EVA1C: variants seen among roughly 807,000 people sequenced by gnomAD.
EVA1C encodes the protein eva-1 homolog C.
In EVA1C, 25 loss-of-function variants were observed where a neutral mutation model predicts 45.4. The observed-to-expected ratio is 0.55, with a 90% CI of 0.40 to 0.77. EVA1C has a LOEUF of 0.77. Ranked by LOEUF, EVA1C falls within the 30% of genes least tolerant of loss-of-function variation. The pLI, the probability that EVA1C is intolerant of heterozygous loss-of-function variation, is 0.00. For missense variants in EVA1C, 479 were observed against 554.8 expected (o/e 0.86, Z 1.37); for synonymous variants, 190 against 221.2 (o/e 0.86, Z 1.25).
chr21:32,450,383 A>ATT (rs3056328), intron 1 of EVA1C, among the ~76,000 whole-genome samples: 2,536 of 145,582 alleles, frequency 0.017, 51 homozygotes, highest in African/African-American at 0.046. Flanking sequence ...GAGCCTTGTC[A>ATT]TTTTTTTTTT....
intron 4 of EVA1C, among the ~76,000 whole-genome samples, chr21:32,469,163 C>T (rs1199556338): frequency 1.3e-5 from 2 of 152,130 alleles, no homozygotes; most frequent in East Asian, 1.9e-4. Context: ...TCTACACCCT[C>T]GTGGAGCTGA....
chr21:32,443,561 C>T (rs185918708), intron 1 of EVA1C, among the ~76,000 whole-genome samples: 1 of 151,936 alleles, frequency 6.6e-6, no homozygotes. Flanking sequence ...ATAAAAAAAC[C>T]CTTACAGTAT....
intron 1 of EVA1C, among the ~76,000 whole-genome samples, chr21:32,439,739 A>G (rs984834889): frequency 6.6e-6 from 1 of 152,154 alleles, no homozygotes; most frequent in African/African-American, 2.4e-5. Flanking sequence ...GGAACAAAGC[A>G]TGTTTGGTCA....
chr21:32,456,106 G>C (rs1352818110), intron 2 of EVA1C, among the ~76,000 whole-genome samples: 1 of 152,190 alleles, frequency 6.6e-6, no homozygotes, highest in African/African-American at 2.4e-5. Context: ...TAGTCAGGCT[G>C]GTCTTGAACT....
chr21:32,485,148 A>G (rs2036930500), intron 4 of EVA1C, among the ~76,000 whole-genome samples: 1 of 152,092 alleles, frequency 6.6e-6, no homozygotes, highest in African/African-American at 2.4e-5. Context: ...AGATGCTGCA[A>G]CTGGTCTTGC....
At chr21:32,450,546 T>C (rs1162316825) in intron 1 of EVA1C, among the ~76,000 whole-genome samples, 1 of 152,072 alleles carries the variant, frequency 6.6e-6, no homozygotes, top group African/African-American at 2.4e-5. Context: ...AAGAAGGTTT[T>C]CATGAGGAGG....
At chr21:32,418,097 G>A (rs1018629950) in intron 1 of EVA1C, among the ~76,000 whole-genome samples, 5 of 152,064 alleles carry the variant, frequency 3.3e-5, no homozygotes, top group Admixed American at 3.3e-4. Flanking sequence ...TCAGCACCTC[G>A]CAACACAGAC....
intron 1 of EVA1C, among the ~76,000 whole-genome samples, chr21:32,430,632 A>G (rs2034661951): frequency 6.6e-6 from 1 of 152,104 alleles, no homozygotes; most frequent in Non-Finnish European, 1.5e-5. Flanking sequence ...CACATCTTAC[A>G]TGGCAGCAGG....
chr21:32,488,671 CG>C (rs2037054912), intron 4 of EVA1C, among the ~76,000 whole-genome samples: 1 of 151,738 alleles, frequency 6.6e-6, no homozygotes, highest in Admixed American at 6.6e-5. Context: ...CTGCAACCTC[CG>C]CCTCCCCGGT....
intron 4 of EVA1C, among the ~76,000 whole-genome samples, chr21:32,470,041 A>G (rs1169468175): frequency 6.6e-6 from 1 of 152,234 alleles, no homozygotes; most frequent in Non-Finnish European, 1.5e-5. Flanking sequence ...ATTACCAGAG[A>G]GAACAGACCC....
intron 1 of EVA1C, among the ~76,000 whole-genome samples, chr21:32,434,848 T>C (rs960026569): frequency 2.0e-5 from 3 of 152,260 alleles, no homozygotes; most frequent in African/African-American, 7.2e-5. Flanking sequence ...AGACGATGCA[T>C]TTCTGTAGTT....
intron 1 of EVA1C, among the ~76,000 whole-genome samples, chr21:32,441,801 T>C (rs1486520178): frequency 6.6e-6 from 1 of 152,096 alleles, no homozygotes; most frequent in East Asian, 1.9e-4. Flanking sequence ...TGGGAGATAA[T>C]TGGGTGACTA....
intron 4 of EVA1C, among the ~76,000 whole-genome samples, chr21:32,478,302 T>C (rs973062691): frequency 7.9e-5 from 12 of 152,212 alleles, no homozygotes; most frequent in African/African-American, 2.9e-4. Flanking sequence ...CACTGCAACC[T>C]CCGCCTCCCA....
In EVA1C at chr21:32,440,736, C is replaced by T. The variant is rs544178631; in HGVS notation, c.161-12576C>T. On this transcript the variant is annotated intron_variant, in intron 1 of 7. Transcript: ENST00000300255. ...GTTGCTGATGAGGATTAATTAGAAC[C>T]TACTACTCAATTATTCACTTTTGAT... Among the ~76,000 whole-genome samples the T allele has an allele frequency of 2.0e-3, 298 of 152,260 alleles. 1 individual carries two copies. The highest frequency in any genetic ancestry group is 6.7e-3 in the African/African-American group (277 of 41,564).
chr21:32,456,706 T>C (rs2035796263), intron 2 of EVA1C, among the ~76,000 whole-genome samples: 1 of 152,124 alleles, frequency 6.6e-6, no homozygotes. Flanking sequence ...TAACTGTACT[T>C]GATGTCCTTT....
chr21:32,511,373 C>T (rs1198043911), intron 7 of EVA1C, among the ~76,000 whole-genome samples: 2 of 117,098 alleles, frequency 1.7e-5, no homozygotes, highest in African/African-American at 3.4e-5. Context: ...GAGCCAAGAT[C>T]ATGCCACTTA....
intron 7 of EVA1C, among the ~76,000 whole-genome samples, chr21:32,514,196 C>T (rs188183459): frequency 3.9e-5 from 6 of 152,216 alleles, no homozygotes; most frequent in South Asian, 2.1e-4. Flanking sequence ...CAGTCCCCCA[C>T]GGGTACCAAG....
chr21:32,494,168 A>T (rs1371513970), intron 4 of EVA1C, among the ~76,000 whole-genome samples: 1 of 152,122 alleles, frequency 6.6e-6, no homozygotes, highest in African/African-American at 2.4e-5. Context: ...TTCAACTGAT[A>T]TTTACTGATT....
At chr21:32,476,446 A>G (rs1157465190) in intron 4 of EVA1C, among the ~76,000 whole-genome samples, 2 of 152,096 alleles carry the variant, frequency 1.3e-5, no homozygotes, top group African/African-American at 4.8e-5. Flanking sequence ...GTTTGAGACC[A>G]GCCTGGCCAA....
Sources: gnomAD v4.1 joint callset for allele counts (sites outside exome capture counted in the v4.1 genomes callset) on GRCh38, gnomAD v4.1.1 for gene constraint, MANE v1.5 for transcripts, NCBI Gene and HGNC (gene_info 2026-07-23, HGNC 2026-07-21) for gene names.